Variants in PDGFC observed in about 807,000 individuals in gnomAD.
PDGFC encodes platelet-derived growth factor C.
PDGFC carries 12 observed loss-of-function variants against 35.5 expected under a neutral mutation model. The observed-to-expected ratio is 0.34, with a 90% CI of 0.22 to 0.55. The LOEUF is 0.55. PDGFC is among the 20% of genes least tolerant of loss of function. PDGFC has a pLI of 0.91. For synonymous variants in PDGFC, 159 were observed against 148.8 expected (o/e 1.07, Z -0.50); for missense variants, 322 against 412.4 (o/e 0.78, Z 1.90).
intron 1 of PDGFC, among the ~76,000 whole-genome samples, chr4:156,903,239 A>ATGATTATGAAAATAATTTATTT (rs1730836539): frequency 6.6e-6 from 1 of 152,104 alleles, no homozygotes; most frequent in Non-Finnish European, 1.5e-5. Context: ...TACAGAGAAT[A>ATGATTATGAAAATAATTTATTT]TGATTATGAA....
rs1731000405 is a variant in PDGFC at position 156,782,230 on chromosome 4, A to C, written c.496-9337T>G. ...ATACCTCTGTGCTAAAGAACTTAAA[A>C]AATAAGCATAATGATACCCTTGGCT... On this transcript the variant is annotated intron_variant, in intron 3 of 5. Transcript: ENST00000502773. Among the ~76,000 whole-genome samples the C allele has an allele frequency of 3.3e-5, 5 of 152,326 alleles. No homozygotes were observed. The South Asian group carries it at 1.0e-3, about 32-fold the overall frequency.
intron 2 of PDGFC, among the ~76,000 whole-genome samples, chr4:156,831,650 G>C (rs1728936523): frequency 6.6e-6 from 1 of 151,482 alleles, no homozygotes; most frequent in Non-Finnish European, 1.5e-5. Context: ...CTTCATGTTG[G>C]CCAGGCTGGT....
At chr4:156,894,105 T>A (rs1730576549) in intron 1 of PDGFC, among the ~76,000 whole-genome samples, 1 of 152,182 alleles carries the variant, frequency 6.6e-6, no homozygotes, top group African/African-American at 2.4e-5. Context: ...ATTCCATGGC[T>A]AAAAATATAT....
At chr4:156,842,581 C>T (rs557760917) in intron 2 of PDGFC, among the ~76,000 whole-genome samples, 5 of 152,172 alleles carry the variant, frequency 3.3e-5, no homozygotes, top group Middle Eastern at 3.4e-3. Context: ...TGTTCTGCAA[C>T]AAAACCATTT....
At chr4:156,894,979 T>G (rs1454162067) in intron 1 of PDGFC, among the ~76,000 whole-genome samples, 1 of 152,192 alleles carries the variant, frequency 6.6e-6, no homozygotes, top group Non-Finnish European at 1.5e-5. Context: ...TAAATCCAAC[T>G]ATGAAGTGTC....
chr4:156,833,355 T>C (rs185357698), intron 2 of PDGFC, among the ~76,000 whole-genome samples: 6 of 152,302 alleles, frequency 3.9e-5, no homozygotes, highest in East Asian at 1.9e-4. Context: ...TCTGTGACTA[T>C]AGGAAAGTAA....
At chr4:156,809,913 G>A (rs934160157) in intron 3 of PDGFC, among the ~76,000 whole-genome samples, 3 of 151,758 alleles carry the variant, frequency 2.0e-5, no homozygotes, top group African/African-American at 4.8e-5. Context: ...ACAAAGACCT[G>A]CTAGTATGTT....
chr4:156,918,082 T>C (rs1731192067), intron 1 of PDGFC, among the ~76,000 whole-genome samples: 1 of 152,206 alleles, frequency 6.6e-6, no homozygotes, highest in South Asian at 2.1e-4. Context: ...AAAGCTTACA[T>C]TGCTTAAATC....
At chr4:156,956,548 G>A (rs1482838045) in intron 1 of PDGFC, among the ~76,000 whole-genome samples, 1 of 151,992 alleles carries the variant, frequency 6.6e-6, no homozygotes, top group African/African-American at 2.4e-5. Flanking sequence ...TCGATTGTGG[G>A]TGACACGGCA....
At chr4:156,796,404 T>C (rs1427296455) in intron 3 of PDGFC, among the ~76,000 whole-genome samples, 5 of 151,950 alleles carry the variant, frequency 3.3e-5, no homozygotes, top group Non-Finnish European at 7.4e-5. Flanking sequence ...TCAATGTCTG[T>C]TTCCAGGTTG....
At chr4:156,850,795 A>T (rs936660928) in intron 1 of PDGFC, among the ~76,000 whole-genome samples, 1 of 147,980 alleles carries the variant, frequency 6.8e-6, no homozygotes, top group African/African-American at 2.6e-5. Flanking sequence ...ATTCTATTTT[A>T]AAAAATACAA....
At chr4:156,877,995 T>C (rs559558819) in intron 1 of PDGFC, among the ~76,000 whole-genome samples, 33 of 152,314 alleles carry the variant, frequency 2.2e-4, no homozygotes, top group African/African-American at 7.2e-4. Flanking sequence ...ATTAGACTAA[T>C]TGCTGTTTCT....
chr4:156,847,427 A>G (rs1579052179), intron 2 of PDGFC, among the ~76,000 whole-genome samples: 1 of 151,802 alleles, frequency 6.6e-6, no homozygotes, highest in African/African-American at 2.4e-5. Context: ...TCTACAAAAT[A>G]CCTGACCGTA....
intron 1 of PDGFC, among the ~76,000 whole-genome samples, chr4:156,923,976 G>A (rs987108661): frequency 6.6e-6 from 1 of 152,114 alleles, no homozygotes; most frequent in Non-Finnish European, 1.5e-5. Context: ...CTGCCACTGG[G>A]AATTGCTGAT....
intron 1 of PDGFC, among the ~76,000 whole-genome samples, chr4:156,912,145 C>A (rs1163860314): frequency 6.6e-6 from 1 of 151,946 alleles, no homozygotes; most frequent in Non-Finnish European, 1.5e-5. Context: ...TATTCTAGTA[C>A]AAAAACAGGG....
intron 1 of PDGFC, among the ~76,000 whole-genome samples, chr4:156,950,907 TA>T (rs1366751763): frequency 6.6e-6 from 1 of 151,930 alleles, no homozygotes; most frequent in African/African-American, 2.4e-5. Context: ...TTTCTTCATG[TA>T]AAAATTCACT....
At chr4:156,859,042 T>G (rs1383783587) in intron 1 of PDGFC, among the ~76,000 whole-genome samples, 1 of 151,990 alleles carries the variant, frequency 6.6e-6, no homozygotes, top group Non-Finnish European at 1.5e-5. Context: ...AACAAAAAGA[T>G]AACCAAAACA....
chr4:156,939,619 C>T (rs978046273), intron 1 of PDGFC, among the ~76,000 whole-genome samples: 4 of 151,980 alleles, frequency 2.6e-5, no homozygotes, highest in African/African-American at 9.7e-5. Context: ...AATGTTTTAT[C>T]GTTTTATATT....
At chr4:156,952,891 A>T (rs998198638) in intron 1 of PDGFC, among the ~76,000 whole-genome samples, 6 of 151,952 alleles carry the variant, frequency 3.9e-5, no homozygotes, top group Admixed American at 6.6e-5. Flanking sequence ...CTGAATAACT[A>T]GTCTGAAAGA....
Sources: allele counts gnomAD v4.1 joint callset (sites outside exome capture counted in the v4.1 genomes callset), GRCh38; gene constraint gnomAD v4.1.1; transcripts MANE v1.5; gene names NCBI Gene and HGNC (gene_info 2026-07-23, HGNC 2026-07-21).